NELL1: variants seen among roughly 807,000 people sequenced by gnomAD.
The protein encoded by NELL1 is neural EGFL like 1, also known as protein kinase C-binding protein NELL1.
NELL1 carries 76 observed loss-of-function variants against 107.4 expected under a neutral mutation model. The ratio of observed to expected loss-of-function variants is 0.71; its 90% confidence interval spans 0.59 to 0.86. The LOEUF (loss-of-function observed/expected upper bound fraction) is 0.86. Among genes scored for constraint, NELL1 ranks in the 40% least tolerant of loss-of-function variants. The probability of loss-of-function intolerance (pLI) is 0.00; values close to 1 mark genes in which losing one functional copy is unlikely to be tolerated. For missense variants in NELL1, 1,024 were observed against 1,005.5 expected, an observed-to-expected ratio of 1.02 and a Z score of -0.25; for synonymous variants, 353 against 341.2, an observed-to-expected ratio of 1.03 and a Z score of -0.38.
intron 12 of NELL1, among the ~76,000 whole-genome samples, chr11:20,964,109 T>A (rs1243612519): frequency 6.6e-6 from 1 of 152,186 alleles, no homozygotes. Context: ...AGGAGCATTC[T>A]CCATTTTGAA....
chr11:21,039,322 A>T (rs1853170342), intron 12 of NELL1, among the ~76,000 whole-genome samples: 1 of 151,972 alleles, frequency 6.6e-6, no homozygotes, highest in Non-Finnish European at 1.5e-5. Flanking sequence ...AGTAGATGGG[A>T]TTACAAGCAT....
At chr11:21,192,256 T>A (rs962173263) in intron 13 of NELL1, among the ~76,000 whole-genome samples, 1 of 151,942 alleles carries the variant, frequency 6.6e-6, no homozygotes, top group Non-Finnish European at 1.5e-5. Flanking sequence ...TTGGCCAGGA[T>A]ATAATTATCA....
intron 2 of NELL1, among the ~76,000 whole-genome samples, chr11:20,699,622 T>G (rs1406194650): frequency 6.6e-6 from 1 of 152,176 alleles, no homozygotes; most frequent in Non-Finnish European, 1.5e-5. Context: ...CCTCCCAAAG[T>G]GCTGGGATTA....
chr11:20,742,447 A>G (rs1418226643), intron 2 of NELL1, among the ~76,000 whole-genome samples: 1 of 151,828 alleles, frequency 6.6e-6, no homozygotes. Flanking sequence ...CACACTGAAA[A>G]CTCCATCTGT....
chr11:21,266,823 T>A (rs1848645800), intron 14 of NELL1, among the ~76,000 whole-genome samples: 1 of 152,064 alleles, frequency 6.6e-6, no homozygotes, highest in Admixed American at 6.6e-5. Context: ...TTTGTGAAAA[T>A]TTTAAATTTT....
chr11:20,799,403 T>C (rs560607464), intron 3 of NELL1, among the ~76,000 whole-genome samples: 88 of 152,340 alleles, frequency 5.8e-4, no homozygotes, highest in Non-Finnish European at 1.0e-4. Context: ...GTGCAGGCTA[T>C]GTGCAAAGGA....
At chr11:21,440,505 A>G (rs1265413264) in intron 15 of NELL1, among the ~76,000 whole-genome samples, 1 of 152,212 alleles carries the variant, frequency 6.6e-6, no homozygotes, top group African/African-American at 2.4e-5. Context: ...GCTCTTGTCA[A>G]TTAAATTTTC....
At chr11:21,141,679 G>A (rs1282182918) in intron 13 of NELL1, among the ~76,000 whole-genome samples, 1 of 152,074 alleles carries the variant, frequency 6.6e-6, no homozygotes, top group Non-Finnish European at 1.5e-5. Flanking sequence ...CAAACTTCAA[G>A]CACTTAGGAA....
chr11:20,894,207 C>T (rs192046763), intron 5 of NELL1, among the ~76,000 whole-genome samples: 32 of 152,218 alleles, frequency 2.1e-4, no homozygotes, highest in African/African-American at 7.2e-4. Flanking sequence ...TACTTTATGA[C>T]CTCGATGTAG....
chr11:20,997,500 T>C (rs930232348), intron 12 of NELL1, among the ~76,000 whole-genome samples: 1 of 152,170 alleles, frequency 6.6e-6, no homozygotes, highest in South Asian at 2.1e-4. Context: ...CTGTGGAATA[T>C]GAATATAATT....
intron 13 of NELL1, 70 bp from the exon 14 acceptor site, chr11:21,229,262 T>C: frequency 6.4e-7 from 1 of 1,572,290 alleles, no homozygotes; most frequent in Non-Finnish European, 8.7e-7. Flanking sequence ...GAATTCCAGC[T>C]ACATTTCCCA....
At chr11:20,920,050 A>G (rs1850344010) in intron 7 of NELL1, among the ~76,000 whole-genome samples, 1 of 152,104 alleles carries the variant, frequency 6.6e-6, no homozygotes, top group Non-Finnish European at 1.5e-5. Context: ...GGGCTTTAAT[A>G]TATATTCATA....
chr11:21,537,207 G>A lies in NELL1; in HGVS notation c.1786+2693G>A, dbSNP rs377084509. On this transcript the variant is annotated intron_variant, in intron 16 of 19. Transcript: ENST00000357134. ...TCTGTTGGTTCAGAATATTTCTTGG[G>A]CAAACAACTATGTAAGTCAGATAAT... 4.3e-4 allele frequency among the ~76,000 whole-genome samples: 66 copies of A among 152,184 alleles called. No individual in the cohort carries two copies. The South Asian group carries it at 0.013, about 30-fold the overall frequency.
At chr11:21,074,888 A>G (rs916952683) in intron 12 of NELL1, among the ~76,000 whole-genome samples, 1 of 152,168 alleles carries the variant, frequency 6.6e-6, no homozygotes, top group Non-Finnish European at 1.5e-5. Flanking sequence ...TGAAGTCTGT[A>G]CGGATGTGTG....
chr11:21,039,789 G>A (rs894505636), intron 12 of NELL1, among the ~76,000 whole-genome samples: 1 of 152,068 alleles, frequency 6.6e-6, no homozygotes, highest in African/African-American at 2.4e-5. Flanking sequence ...TGGAGGGTAG[G>A]AATTCCCAAA....
chr11:21,414,440 A>T (rs1422262927), intron 15 of NELL1, among the ~76,000 whole-genome samples: 1 of 152,074 alleles, frequency 6.6e-6, no homozygotes, highest in Non-Finnish European at 1.5e-5. Context: ...TGAGAATGAG[A>T]AAGGGATTTT....
chr11:20,862,255 G>A (rs937951925), intron 4 of NELL1, among the ~76,000 whole-genome samples: 1 of 152,012 alleles, frequency 6.6e-6, no homozygotes, highest in African/African-American at 2.4e-5. Flanking sequence ...ACAAAATACA[G>A]AAGCTAATAC....
At chr11:20,890,720 A>T (rs1281016698) in intron 5 of NELL1, among the ~76,000 whole-genome samples, 1 of 152,044 alleles carries the variant, frequency 6.6e-6, no homozygotes, top group African/African-American at 2.4e-5. Context: ...AGCATACACA[A>T]GTATCAATAG....
intron 2 of NELL1, among the ~76,000 whole-genome samples, chr11:20,691,681 T>A (rs1203236347): frequency 6.6e-6 from 1 of 151,942 alleles, no homozygotes; most frequent in Non-Finnish European, 1.5e-5. Context: ...CTGGATTTGG[T>A]TTGCCAGTAT....
Sources: gnomAD v4.1 joint callset for allele counts (sites outside exome capture counted in the v4.1 genomes callset) on GRCh38, gnomAD v4.1.1 for gene constraint, MANE v1.5 for transcripts, NCBI Gene and HGNC (gene_info 2026-07-23, HGNC 2026-07-21) for gene names.